Variants in LY75 observed in about 807,000 individuals in gnomAD.
LY75 encodes C-type lectin domain family 13 member B.
Under a neutral mutation model 231.7 loss-of-function variants are expected in LY75, and 185 were observed. The observed-to-expected ratio is 0.80, with a 90% CI of 0.71 to 0.90. The LOEUF is 0.90. Among genes scored for constraint, LY75 ranks in the 40% least tolerant of loss-of-function variants. The pLI, the probability that LY75 is intolerant of heterozygous loss-of-function variation, is 0.00. For synonymous variants in LY75, 668 were observed against 689.0 expected (o/e 0.97, Z 0.48); for missense variants, 1,947 against 2,050.2 (o/e 0.95, Z 0.97).
intron 3 of LY75, 124 bp downstream of exon 3, chr2:159,893,790 T>C: frequency 1.5e-6 from 2 of 1,354,452 alleles, no homozygotes; most frequent in Non-Finnish European, 2.0e-6. Flanking sequence ...CCTCCAAACA[T>C]ACACTTCTTA....
rs778383550 is a variant in LY75 at position 159,898,995 on chromosome 2, C to A, written c.159G>T (p.Trp53Cys). 2.0e-5 allele frequency: 33 copies of A among 1,614,136 alleles called. No individual in the cohort carries two copies. Among genetic ancestry groups the A allele is most frequent in the Non-Finnish European group, 2.6e-5 (31 of 1,180,050 alleles). The part of the protein sequence containing the change: ...TGKCIKPVYG[W>C]IVADDCDETE... ...TTTCATCACAGTCGTCTGCTACTAT[C>A]CAGCCATACACTGGCTTGATGCACT... Residue 53 changes from tryptophan (W) to cysteine (C), a missense_variant, in exon 2 of 35, where the codon TGG becomes TGT. Coordinates refer to ENST00000263636, the MANE Select transcript of LY75 (RefSeq NM_002349.4).
intron 31 of LY75, among the ~76,000 whole-genome samples, chr2:159,813,334 T>TG (rs1237686045): frequency 6.6e-6 from 1 of 150,382 alleles, no homozygotes; most frequent in Non-Finnish European, 1.5e-5. Flanking sequence ...TCTGTTTTGT[T>TG]TTTTTTTTTT....
chr2:159,819,647 A>G, intron 29 of LY75, 79 bp downstream of exon 29: 1 of 1,485,108 alleles, frequency 6.7e-7, no homozygotes, highest in Non-Finnish European at 9.0e-7. Context: ...ATTTGATTGT[A>G]TGATTCCCAC....
At chr2:159,823,211 G>A (rs1054307047) in intron 28 of LY75, among the ~76,000 whole-genome samples, 6 of 152,162 alleles carry the variant, frequency 3.9e-5, no homozygotes, top group Admixed American at 2.0e-4. Context: ...AAAAAGGTTA[G>A]AGGAACTGCT....
intron 30 of LY75, among the ~76,000 whole-genome samples, 161 bp downstream of exon 30, chr2:159,816,645 T>A (rs1383154225): frequency 6.6e-6 from 1 of 152,216 alleles, no homozygotes; most frequent in Non-Finnish European, 1.5e-5. Context: ...TAAAATTTTC[T>A]ATTTGTTCTG....
chr2:159,805,329 C>G (rs1358637902), intron 34 of LY75, 107 bp from the exon 35 acceptor site: 7 of 716,088 alleles, frequency 9.8e-6, no homozygotes, highest in Non-Finnish European at 1.6e-5. Context: ...AAGCTGTATA[C>G]AGACATAATA....
At position 159,831,682 on chromosome 2, in the gene LY75, T is replaced by C; in HGVS notation, c.3946A>G (p.Ile1316Val). 1 of 1,609,690 alleles carries C rather than the reference T, an allele frequency of 6.2e-7. No homozygotes were observed. The highest frequency in any genetic ancestry group is 8.5e-7 in the Non-Finnish European group (1 of 1,178,844). Residue 1316 changes from isoleucine (I) to valine (V), a missense_variant, in exon 28 of 35, where the codon ATA becomes GTA. Ile to Val is a conservative substitution (Grantham distance 29, BLOSUM62 3). Coordinates refer to ENST00000263636, the MANE Select transcript of LY75 (RefSeq NM_002349.4). ...NYMASWVMLG[I>V]TYRNKSLMWF... Reference sequence around the variant, plus strand: ...ATTTACAACTTACTTCTATAAGTTATTCCTAACATGACCCATGAAGCCATA... The same window carrying C: ...ATTTACAACTTACTTCTATAAGTTACTCCTAACATGACCCATGAAGCCATA...
chr2:159,853,682 G>C lies in LY75; in HGVS notation c.2611C>G (p.Gln871Glu). Residue 871 changes from glutamine (Q) to glutamate (E), a missense_variant, in exon 19 of 35, where the codon CAG becomes GAG. Transcript: ENST00000263636. ...TCGCTAATTCTTATCCACCACTTCT[G>C]TCCATCACCAGATATCTGAAAAACA... ...NKIANISGDG[Q>E]KWWIRISEWP... 1.2e-6 allele frequency: 2 copies of C among 1,613,452 alleles called. No individual in the cohort carries two copies. The highest frequency in any genetic ancestry group is 8.5e-7 in the Non-Finnish European group (1 of 1,179,810).
chr2:159,807,574 T>C (rs760370177), intron 33 of LY75: 413 of 965,448 alleles, frequency 4.3e-4, no homozygotes, highest in Non-Finnish European at 4.9e-4. Flanking sequence ...GGAATCTCCA[T>C]CCCCACCTTT....
intron 28 of LY75, among the ~76,000 whole-genome samples, chr2:159,826,794 A>T (rs1307312923): frequency 2.6e-5 from 4 of 152,218 alleles, no homozygotes; most frequent in Non-Finnish European, 5.9e-5. Flanking sequence ...GGCCTCAGAA[A>T]TAACACCACA....
intron 23 of LY75, among the ~76,000 whole-genome samples, chr2:159,843,054 TA>T (rs1684090674): frequency 6.6e-6 from 1 of 151,874 alleles, no homozygotes; most frequent in African/African-American, 2.4e-5. Context: ...TTGGTATGAG[TA>T]AAACTTTATG....
At chr2:159,828,779 G>C (rs777127161) in intron 28 of LY75, among the ~76,000 whole-genome samples, 1 of 152,116 alleles carries the variant, frequency 6.6e-6, no homozygotes, top group African/African-American at 2.4e-5. Flanking sequence ...TAAATAAAAT[G>C]TATTATATCC....
rs1684420150 is a variant in LY75, at chr2:159,852,242, T to C, written c.2842A>G (p.Lys948Glu). 4 of 1,613,966 alleles carry C rather than the reference T, an allele frequency of 2.5e-6. No individual in the cohort carries two copies. Among genetic ancestry groups the C allele is most frequent in the Admixed American group, 1.7e-5 (1 of 59,988 alleles). Residue 948 changes from lysine to glutamate, a missense_variant, in exon 21 of 35, where the codon AAA (lysine) becomes GAA (glutamate). Physicochemically the swap from Lys to Glu is moderately conservative, Grantham distance 56. Transcript: ENST00000263636. ...LEKYSPDSAA[K>E]VQCSEQWIPF... ...ATCCATTGCTCAGAACATTGCACTT[T>C]AGCTGCAGAATCTGGGCTGTATTTC...
chr2:159,814,108 G>C (rs905793954), intron 31 of LY75: 1 of 152,166 alleles, frequency 6.6e-6, no homozygotes, highest in Non-Finnish European at 1.5e-5. Flanking sequence ...AAAACATGGT[G>C]AGCATTGAGA....
At chr2:159,809,379 T>C (rs886112053) in intron 32 of LY75, among the ~76,000 whole-genome samples, 3 of 152,230 alleles carry the variant, frequency 2.0e-5, no homozygotes, top group African/African-American at 7.2e-5. Flanking sequence ...CTGCCCTTTA[T>C]GGTGGTCAGA....
intron 4 of LY75, among the ~76,000 whole-genome samples, chr2:159,887,566 CAAAAA>C (rs369452762): frequency 8.7e-5 from 9 of 103,824 alleles, no homozygotes; most frequent in East Asian, 5.0e-4. Flanking sequence ...TCAACAACAA[CAAAAA>C]AAAAAAAAAA....
intron 29 of LY75, among the ~76,000 whole-genome samples, chr2:159,818,265 C>T (rs927879668): frequency 1.3e-5 from 2 of 152,022 alleles, no homozygotes; most frequent in Admixed American, 6.5e-5. Context: ...AACTTTGCAG[C>T]AGAGAACCTA....
At chr2:159,897,648 A>C (rs1462401361) in intron 2 of LY75, among the ~76,000 whole-genome samples, 2 of 152,212 alleles carry the variant, frequency 1.3e-5, no homozygotes, top group African/African-American at 4.8e-5. Flanking sequence ...ATTTAGCTTA[A>C]ATGATCTTTA....
intron 2 of LY75, among the ~76,000 whole-genome samples, chr2:159,895,489 A>T (rs1685885092): frequency 1.3e-5 from 2 of 152,176 alleles, no homozygotes; most frequent in South Asian, 4.1e-4. Flanking sequence ...TCTTTTCTAA[A>T]ACCTTTGATT....
Sources: gnomAD v4.1 joint callset for allele counts (sites outside exome capture counted in the v4.1 genomes callset) on GRCh38, gnomAD v4.1.1 for gene constraint, MANE v1.5 for transcripts, NCBI Gene and HGNC (gene_info 2026-07-23, HGNC 2026-07-21) for gene names.